The following FRMD5 variants were observed in gnomAD, a reference collection of about 807,000 sequenced individuals.
FRMD5 encodes the protein FERM domain-containing protein 5.
A neutral mutation model predicts 69.0 loss-of-function variants in FRMD5; 20 were observed. The ratio of observed to expected loss-of-function variants is 0.29; its 90% CI spans 0.20 to 0.42. The LOEUF (loss-of-function observed/expected upper bound fraction) is 0.42. FRMD5 is among the 10% of genes least tolerant of loss of function. The pLI is 1.00. For missense variants in FRMD5, 595 were observed against 708.6 expected, an observed-to-expected ratio of 0.84 and a Z score of 1.82; for synonymous variants, 271 against 260.1, an observed-to-expected ratio of 1.04 and a Z score of -0.40.
intron 1 of FRMD5, among the ~76,000 whole-genome samples, chr15:44,077,773 A>T (rs1893830442): frequency 6.6e-6 from 1 of 152,042 alleles, no homozygotes; most frequent in Non-Finnish European, 1.5e-5. Flanking sequence ...ACAGACATAA[A>T]ATTCTTATTA....
intron 1 of FRMD5, among the ~76,000 whole-genome samples, chr15:44,186,909 G>A (rs1471771224): frequency 1.3e-5 from 2 of 152,196 alleles, no homozygotes; most frequent in Non-Finnish European, 2.9e-5. Context: ...TGGGAACTTC[G>A]AAGCTGTCAG....
At chr15:43,942,200 C>T (rs1441908114) in intron 1 of FRMD5, among the ~76,000 whole-genome samples, 2 of 152,098 alleles carry the variant, frequency 1.3e-5, no homozygotes, top group African/African-American at 2.4e-5. Flanking sequence ...TGTCCATATG[C>T]TTTTTACAAA....
At chr15:44,100,416 C>T (rs1341914194) in intron 1 of FRMD5, among the ~76,000 whole-genome samples, 1 of 152,026 alleles carries the variant, frequency 6.6e-6, no homozygotes, top group Non-Finnish European at 1.5e-5. Context: ...CACCTAGCAG[C>T]AAATGGAATC....
At chr15:44,004,083 G>C (rs1255901597) in intron 1 of FRMD5, among the ~76,000 whole-genome samples, 1 of 152,186 alleles carries the variant, frequency 6.6e-6, no homozygotes, top group African/African-American at 2.4e-5. Context: ...AAAACAATTT[G>C]ATTTTTAATC....
At chr15:43,887,394 A>G (rs1237079919) in intron 10 of FRMD5, among the ~76,000 whole-genome samples, 1 of 152,198 alleles carries the variant, frequency 6.6e-6, no homozygotes, top group Admixed American at 6.5e-5. Context: ...AAAGAAAATA[A>G]ATGTTTTCTT....
In FRMD5 at chr15:43,874,277, C is replaced by T. The variant is rs772259917; in HGVS notation, c.1321G>A (p.Glu441Lys). 1.2e-6 allele frequency: 2 copies of T among 1,614,230 alleles called. No homozygotes were observed. Among genetic ancestry groups the T allele is most frequent in the South Asian group, 1.1e-5 (1 of 91,086 alleles). Residue 441 changes from glutamate to lysine, a missense_variant, in exon 14 of 14, where the codon GAG (glutamate) becomes AAG (lysine). Glu to Lys is a moderately conservative substitution (Grantham distance 56). Coordinates refer to ENST00000417257, the MANE Select transcript of FRMD5 (RefSeq NM_032892.5). Reference protein sequence around the residue: ...LPTPVAEHSLELMLLSRQING... With the variant: ...LPTPVAEHSLKLMLLSRQING... ...ATCTGCCGGGAAAGCAACATCAGCT[C>T]CAGGCTGTGCTCAGCCACAGGGGTG...
chr15:43,973,828 T>G (rs1260099934), intron 1 of FRMD5, among the ~76,000 whole-genome samples: 1 of 151,082 alleles, frequency 6.6e-6, no homozygotes, highest in African/African-American at 2.4e-5. Flanking sequence ...CATTGGCTTA[T>G]ATCCAATTTG....
intron 1 of FRMD5, among the ~76,000 whole-genome samples, chr15:44,119,895 TAA>T (rs5812264): frequency 1.3e-5 from 2 of 151,936 alleles, no homozygotes; most frequent in Non-Finnish European, 2.9e-5. Flanking sequence ...CAGTGAGTGG[TAA>T]AAAAATACTT....
At chr15:43,945,160 AC>A (rs1307245062) in intron 1 of FRMD5, among the ~76,000 whole-genome samples, 6 of 152,008 alleles carry the variant, frequency 3.9e-5, no homozygotes, top group Admixed American at 3.9e-4. Context: ...TGGGAAACTT[AC>A]CCACTGCCAT....
intron 1 of FRMD5, 67 bp from the exon 2 acceptor site, chr15:43,924,376 T>C: frequency 9.6e-7 from 1 of 1,040,612 alleles, no homozygotes; most frequent in Non-Finnish European, 1.5e-6. Context: ...TTTTTTTTTA[T>C]AGCCATTAAA....
chr15:44,188,278 G>T (rs544470530), intron 1 of FRMD5, among the ~76,000 whole-genome samples: 1 of 152,248 alleles, frequency 6.6e-6, no homozygotes, highest in South Asian at 2.1e-4. Context: ...AAATAGGTAT[G>T]CATATCTGTA....
chr15:44,152,500 T>A (rs989052281), intron 1 of FRMD5, among the ~76,000 whole-genome samples: 3 of 152,244 alleles, frequency 2.0e-5, no homozygotes, highest in Non-Finnish European at 2.9e-5. Flanking sequence ...CCTTGCAGAA[T>A]AAGCGTATGT....
Position 44,007,076 on chromosome 15 carries a change from C to T in FRMD5, c.103-82767G>A, listed in dbSNP as rs190168814. Among the ~76,000 whole-genome samples, 99 of 152,322 alleles carry T rather than the reference C, an allele frequency of 6.5e-4. 2 individuals carry two copies. Among genetic ancestry groups the T allele is most frequent in the Admixed American group, 4.4e-3 (67 of 15,300 alleles). ...AATTGTCACAGCCACCTTCAGCAGC[C>T]ACCACCCTGACCAGTCAGCAGCTGT... On this transcript the variant is annotated intron_variant, in intron 1 of 13. Transcript: ENST00000417257.
intron 1 of FRMD5, among the ~76,000 whole-genome samples, chr15:44,109,210 C>T (rs1408098691): frequency 6.6e-6 from 1 of 151,878 alleles, no homozygotes; most frequent in African/African-American, 2.4e-5. Context: ...AGTATCAGTG[C>T]CACTGTTTGC....
intron 13 of FRMD5, chr15:43,876,078 T>C: frequency 5.4e-6 from 7 of 1,304,062 alleles, no homozygotes; most frequent in Non-Finnish European, 7.8e-6. Flanking sequence ...CTTTAACTTT[T>C]CCATGGCTTC....
At chr15:44,149,105 A>G (rs1050903657) in intron 1 of FRMD5, among the ~76,000 whole-genome samples, 1 of 152,202 alleles carries the variant, frequency 6.6e-6, no homozygotes, top group African/African-American at 2.4e-5. Flanking sequence ...ATGTATAAGG[A>G]TGTAATTTTG....
rs189082279 is a variant in FRMD5 at position 44,168,426 on chromosome 15, A to G, written c.102+26527T>C. On this transcript the variant is annotated intron_variant, in intron 1 of 13. Coordinates refer to ENST00000417257, the MANE Select transcript of FRMD5 (RefSeq NM_032892.5). ...AGTTCTCATAAGGATTAGTGGAAGAATCATGCATATAGACTTGCTCAGTGC... is the reference window on the plus strand; with the variant it reads ...AGTTCTCATAAGGATTAGTGGAAGAGTCATGCATATAGACTTGCTCAGTGC... 3.7e-3 allele frequency among the ~76,000 whole-genome samples: 559 copies of G among 152,350 alleles called. 7 individuals are homozygous for G. Among genetic ancestry groups the G allele is most frequent in the Non-Finnish European group, 2.4e-3 (164 of 68,018 alleles).
intron 1 of FRMD5, among the ~76,000 whole-genome samples, chr15:44,011,995 T>C (rs1890742158): frequency 6.6e-6 from 1 of 152,200 alleles, no homozygotes; most frequent in Admixed American, 6.5e-5. Flanking sequence ...AATTCATATT[T>C]GTTGGTGTCC....
intron 1 of FRMD5, among the ~76,000 whole-genome samples, chr15:44,080,900 G>T (rs1224687734): frequency 1.3e-5 from 2 of 152,054 alleles, no homozygotes; most frequent in Admixed American, 6.6e-5. Context: ...ATTTGCAAAT[G>T]GAAGGTCAGA....
Sources: allele counts gnomAD v4.1 joint callset (sites outside exome capture counted in the v4.1 genomes callset), GRCh38; gene constraint gnomAD v4.1.1; transcripts MANE v1.5; gene names NCBI Gene and HGNC (gene_info 2026-07-23, HGNC 2026-07-21).